JMJD1C: variants seen among roughly 807,000 people sequenced by gnomAD.
The protein encoded by JMJD1C is jumonji domain-containing protein 1C.
In JMJD1C, 31 loss-of-function variants were observed where a neutral mutation model predicts 245.3. The observed-to-expected ratio is 0.13, with a 90% confidence interval of 0.09 to 0.17. The LOEUF is 0.17. Among genes scored for constraint, JMJD1C ranks in the 10% least tolerant of loss-of-function variants. The pLI is 1.00. For synonymous variants in JMJD1C, 1,057 were observed against 1,017.4 expected (o/e 1.04, Z -0.74); for missense variants, 2,691 against 3,000.2 (o/e 0.90, Z 2.41).
chr10:63,336,501 A>G (rs1357399247), intron 2 of JMJD1C, among the ~76,000 whole-genome samples: 1 of 152,100 alleles, frequency 6.6e-6, no homozygotes. Context: ...CCAGATTTCA[A>G]TCCTAATAAT....
intron 1 of JMJD1C, among the ~76,000 whole-genome samples, chr10:63,517,786 C>CTTTTT (rs11361305): frequency 2.8e-5 from 2 of 72,538 alleles, no homozygotes; most frequent in South Asian, 5.1e-4. Flanking sequence ...CTAATGGCCA[C>CTTTTT]TTTTTTTTTT....
chr10:63,408,642 G>A (rs1949308178), intron 1 of JMJD1C, among the ~76,000 whole-genome samples: 1 of 151,642 alleles, frequency 6.6e-6, no homozygotes, highest in South Asian at 2.1e-4. Flanking sequence ...TCAGGTCTGA[G>A]TCAAGTTTGA....
At chr10:63,320,865 C>A (rs1940766441) in intron 2 of JMJD1C, among the ~76,000 whole-genome samples, 1 of 152,072 alleles carries the variant, frequency 6.6e-6, no homozygotes, top group Non-Finnish European at 1.5e-5. Context: ...TTCTAGATAG[C>A]CCCAGGATGG....
intron 2 of JMJD1C, among the ~76,000 whole-genome samples, chr10:63,280,411 G>A (rs1415228686): frequency 1.3e-5 from 2 of 151,970 alleles, no homozygotes; most frequent in Non-Finnish European, 2.9e-5. Context: ...TTAGCTGGGT[G>A]TGGTGGAACG....
chr10:63,512,928 A>G (rs935821424), intron 1 of JMJD1C, among the ~76,000 whole-genome samples: 13 of 152,078 alleles, frequency 8.5e-5, no homozygotes, highest in African/African-American at 2.4e-4. Context: ...AGCTTTTTGT[A>G]ATATCCTCAA....
At chr10:63,263,395 C>T (rs1475563702) in intron 3 of JMJD1C, among the ~76,000 whole-genome samples, 1 of 152,148 alleles carries the variant, frequency 6.6e-6, no homozygotes, top group Non-Finnish European at 1.5e-5. Flanking sequence ...CAAATCCATG[C>T]ACAACAAATA....
At chr10:63,357,826 G>GACAGACACACACACAC (rs1051732036) in intron 2 of JMJD1C, among the ~76,000 whole-genome samples, 1 of 140,436 alleles carries the variant, frequency 7.1e-6, no homozygotes, top group Admixed American at 7.3e-5. Context: ...CAGACAGACA[G>GACAGACACACACACAC]ACACACACAC....
chr10:63,176,232 A>G, intron 24 of JMJD1C, 65 bp downstream of exon 24: 1 of 1,217,694 alleles, frequency 8.2e-7, no homozygotes, highest in Non-Finnish European at 1.1e-6. Flanking sequence ...ACTAAGAGCA[A>G]TTTTTTTTTC....
intron 1 of JMJD1C, among the ~76,000 whole-genome samples, chr10:63,433,782 T>C (rs1419379500): frequency 6.6e-6 from 1 of 151,212 alleles, no homozygotes; most frequent in Non-Finnish European, 1.5e-5. Flanking sequence ...GGTCCCACTA[T>C]GTTACCCAGG....
chr10:63,360,058 C>A (rs984434092), intron 2 of JMJD1C, among the ~76,000 whole-genome samples: 2 of 151,800 alleles, frequency 1.3e-5, no homozygotes, highest in African/African-American at 4.8e-5. Flanking sequence ...GTCTGTAATC[C>A]CAGCTACTTG....
intron 3 of JMJD1C, among the ~76,000 whole-genome samples, chr10:63,224,775 C>T (rs182575972): frequency 2.0e-5 from 3 of 151,988 alleles, no homozygotes; most frequent in Admixed American, 6.6e-5. Context: ...TAAAAATCCA[C>T]TTAATGGGCC....
intron 2 of JMJD1C, among the ~76,000 whole-genome samples, chr10:63,311,271 C>T (rs1939155787): frequency 6.6e-6 from 1 of 151,354 alleles, no homozygotes; most frequent in East Asian, 1.9e-4. Flanking sequence ...CCCAGCTACT[C>T]GGGAGACTGA....
chr10:63,176,478 A>C lies in JMJD1C; in HGVS notation c.7225-5T>G. 1 of 1,607,514 alleles carries C rather than the reference A, an allele frequency of 6.2e-7. No homozygotes were observed. Among genetic ancestry groups the C allele is most frequent in the South Asian group, 1.1e-5 (1 of 90,832 alleles). ...AAGGCCTTGTTCTTTTGAAATCTGAAATATGAATTAAAATAGACACTCCAA... is the reference window on the plus strand; with the variant it reads ...AAGGCCTTGTTCTTTTGAAATCTGACATATGAATTAAAATAGACACTCCAA... On this transcript the variant is annotated splice_polypyrimidine_tract_variant and splice_region_variant and intron_variant, in intron 23 of 25. Transcript: ENST00000399262.
At chr10:63,183,607 A>T (rs763947371) in intron 21 of JMJD1C, 38 bp from the exon 22 acceptor site, 6 of 1,230,190 alleles carry the variant, frequency 4.9e-6, no homozygotes, top group Non-Finnish European at 4.6e-6. Context: ...CAAAATATTT[A>T]TATATATGTA....
chr10:63,215,260 T>C lies in JMJD1C; in HGVS notation c.1015+3A>G. 6.2e-7 allele frequency: 1 copy of C among 1,608,974 alleles called. No individual in the cohort carries two copies. Among genetic ancestry groups the C allele is most frequent in the South Asian group, 1.1e-5 (1 of 90,270 alleles). ...TTCCCTTAAAAAAAAAAGTGGGTCC[T>C]ACCTCCTCGTGATATATAATCATAT... On this transcript the variant is annotated splice_donor_region_variant and intron_variant, in intron 7 of 25. Transcript: ENST00000399262.
chr10:63,184,435 G>C (rs1355021279), intron 21 of JMJD1C, among the ~76,000 whole-genome samples, 173 bp downstream of exon 21: 1 of 151,852 alleles, frequency 6.6e-6, no homozygotes, highest in African/African-American at 2.4e-5. Flanking sequence ...GTAGAGACAG[G>C]GTTTCACCAT....
At chr10:63,507,818 A>G (rs560870521) in intron 1 of JMJD1C, among the ~76,000 whole-genome samples, 1 of 152,198 alleles carries the variant, frequency 6.6e-6, no homozygotes, top group South Asian at 2.1e-4. Flanking sequence ...TTTCCTGACA[A>G]CATATGATGT....
At chr10:63,198,787 T>C (rs1425107757) in intron 11 of JMJD1C, 60 bp from the exon 12 acceptor site, 9 of 952,590 alleles carry the variant, frequency 9.4e-6, no homozygotes, top group Non-Finnish European at 1.2e-5. Context: ...AGTCCAGTCT[T>C]TAAAATTGTA....
intron 3 of JMJD1C, among the ~76,000 whole-genome samples, chr10:63,222,004 G>A (rs1223291846): frequency 6.6e-6 from 1 of 152,148 alleles, no homozygotes; most frequent in Non-Finnish European, 1.5e-5. Flanking sequence ...TTACAGGCGT[G>A]AGCCACCACA....
Sources: gnomAD v4.1 joint callset for allele counts (sites outside exome capture counted in the v4.1 genomes callset) on GRCh38, gnomAD v4.1.1 for gene constraint, MANE v1.5 for transcripts, NCBI Gene and HGNC (gene_info 2026-07-23, HGNC 2026-07-21) for gene names.